BPIFA2: variants seen among roughly 807,000 people sequenced by gnomAD.
BPIFA2 encodes the protein BPI fold containing family A member 2.
Under a neutral mutation model 25.7 loss-of-function variants are expected in BPIFA2, and 20 were observed. The observed-to-expected ratio is 0.78, with a 90% CI of 0.55 to 1.13. The LOEUF (loss-of-function observed/expected upper bound fraction) is 1.13. BPIFA2 is among the 50% of genes most tolerant of loss of function. The pLI is 0.00. For missense variants in BPIFA2, 300 were observed against 298.1 expected, an observed-to-expected ratio of 1.01 and a Z score of -0.05; for synonymous variants, 126 against 124.3, an observed-to-expected ratio of 1.01 and a Z score of -0.09.
Position 33,180,592 on chromosome 20 carries a change from A to G in BPIFA2, c.*32A>G. The G allele has an allele frequency of 6.2e-7, 1 of 1,603,110 alleles. No individual in the cohort carries two copies. Among genetic ancestry groups the G allele is most frequent in the East Asian group, 2.2e-5 (1 of 44,812 alleles). On this transcript the variant is annotated 3_prime_UTR_variant, in exon 8 of 9. Transcript: ENST00000354932. Reference sequence around the variant, plus strand: ...CGAATGAGGAGGACCACTGTGGTGCATGCTGGTGAGGAGCCAGTCTCTGTG... The same window carrying G: ...CGAATGAGGAGGACCACTGTGGTGCGTGCTGGTGAGGAGCCAGTCTCTGTG...
chr20:33,177,053 T>C (rs1029907516), intron 5 of BPIFA2, among the ~76,000 whole-genome samples: 1 of 152,180 alleles, frequency 6.6e-6, no homozygotes, highest in Non-Finnish European at 1.5e-5. Context: ...TTTCATTCTT[T>C]CAGCCAAAAA....
intron 7 of BPIFA2, among the ~76,000 whole-genome samples, chr20:33,180,035 C>T (rs890104908): frequency 2.6e-5 from 4 of 151,782 alleles, no homozygotes; most frequent in African/African-American, 7.3e-5. Flanking sequence ...CTGGGTGACA[C>T]GGTGAAACCC....
chr20:33,167,260 G>A (rs900335044), upstream of BPIFA2, among the ~76,000 whole-genome samples: 1 of 152,204 alleles, frequency 6.6e-6, no homozygotes, highest in Non-Finnish European at 1.5e-5. Context: ...GTCCTTCCCA[G>A]CCTGAGGCCA....
At chr20:33,181,071 C>T (rs1210650156) in intron 8 of BPIFA2, among the ~76,000 whole-genome samples, 153 bp from the exon 9 acceptor site, 3 of 152,174 alleles carry the variant, frequency 2.0e-5, no homozygotes, top group African/African-American at 7.2e-5. Context: ...TTTCTTCTTC[C>T]CAGGACTTAA....
chr20:33,172,575 T>C (rs1181383921), intron 2 of BPIFA2, among the ~76,000 whole-genome samples: 1 of 152,146 alleles, frequency 6.6e-6, no homozygotes, highest in African/African-American at 2.4e-5. Context: ...CGTGAGCATC[T>C]CACTTAGCAC....
intron 5 of BPIFA2, among the ~76,000 whole-genome samples, chr20:33,177,549 C>T (rs772384091): frequency 2.0e-5 from 3 of 152,264 alleles, no homozygotes; most frequent in South Asian, 2.1e-4. Context: ...ATCCTCTCAG[C>T]GCTTTTCTTT....
At chr20:33,173,886 A>G (rs1983985067) in intron 3 of BPIFA2, among the ~76,000 whole-genome samples, 193 bp from the exon 4 acceptor site, 1 of 152,134 alleles carries the variant, frequency 6.6e-6, no homozygotes, top group African/African-American at 2.4e-5. Flanking sequence ...CTGGGGGAAA[A>G]TCACACCAGC....
chr20:33,165,487 C>A (rs1983696325), upstream of BPIFA2, among the ~76,000 whole-genome samples: 1 of 152,230 alleles, frequency 6.6e-6, no homozygotes, highest in South Asian at 2.1e-4. Context: ...GAGCACCCCC[C>A]AGCCTGGCTG....
chr20:33,170,970 C>A (rs1171839848), intron 2 of BPIFA2, among the ~76,000 whole-genome samples: 1 of 152,186 alleles, frequency 6.6e-6, no homozygotes, highest in African/African-American at 2.4e-5. Flanking sequence ...GTTTTCCCAG[C>A]ACCATTTATT....
chr20:33,173,964 C>A, intron 3 of BPIFA2, 115 bp from the exon 4 acceptor site: 1 of 781,322 alleles, frequency 1.3e-6, no homozygotes, highest in Non-Finnish European at 2.2e-6. Context: ...ATAGTGAAGA[C>A]TAAAGAAGGC....
intron 3 of BPIFA2, 48 bp downstream of exon 3, chr20:33,173,124 A>G: frequency 4.4e-6 from 7 of 1,588,110 alleles, no homozygotes; most frequent in Non-Finnish European, 6.0e-6. Context: ...GGAAAGGGAA[A>G]ACATATCTTT....
chr20:33,164,301 G>T (rs746875596), upstream of BPIFA2, among the ~76,000 whole-genome samples: 1 of 152,192 alleles, frequency 6.6e-6, no homozygotes, highest in Non-Finnish European at 1.5e-5. Flanking sequence ...AGATTGAGGG[G>T]CCAAATTCCA....
chr20:33,163,075 CAT>C (rs899935313), intron 1 of BPIFA2, among the ~76,000 whole-genome samples: 3 of 152,204 alleles, frequency 2.0e-5, no homozygotes, highest in Non-Finnish European at 4.4e-5. Flanking sequence ...AGGATGGACA[CAT>C]GTGGGGGTGC....
intron 4 of BPIFA2, among the ~76,000 whole-genome samples, chr20:33,174,773 T>C (rs1984017194): frequency 6.6e-6 from 1 of 152,112 alleles, no homozygotes; most frequent in Non-Finnish European, 1.5e-5. Flanking sequence ...TAACCAGGTG[T>C]GGCAGCACAC....
chr20:33,173,076 G>A lies in BPIFA2; in HGVS notation c.302G>A (p.Gly101Glu). 6.2e-7 allele frequency: 1 copy of A among 1,613,494 alleles called. No individual in the cohort carries two copies. Among genetic ancestry groups the A allele is most frequent in the Non-Finnish European group, 8.5e-7 (1 of 1,179,768 alleles). Reference protein sequence around the residue: ...KLLPTNTDIFGLKISNSLILD... With the variant: ...KLLPTNTDIFELKISNSLILD... The stretch of plus-strand genomic sequence containing the variant: ...CTTCCAACTAACACGGACATTTTTG[G>A]GTGAGTTGGTCCTTCAGGGTGGAGA... Residue 101 changes from glycine to glutamate, a missense_variant and splice_region_variant, in exon 3 of 9, where the codon GGG becomes GAG. Coordinates refer to ENST00000354932, the MANE Select transcript of BPIFA2 (RefSeq NM_080574.4).
At chr20:33,180,234 A>G (rs747137) in intron 7 of BPIFA2, among the ~76,000 whole-genome samples, 12,022 of 152,040 alleles carry the variant, frequency 0.079, 1,577 homozygotes, top group African/African-American at 0.27. Context: ...AAGAAAAAAA[A>G]AAAGAAGAAG....
chr20:33,170,368 A>T (rs1983858678), intron 2 of BPIFA2, among the ~76,000 whole-genome samples: 1 of 151,960 alleles, frequency 6.6e-6, no homozygotes, highest in African/African-American at 2.4e-5. Flanking sequence ...TTTTCTTCTC[A>T]TATATACTTA....
At chr20:33,174,355 T>C (rs1274461780) in intron 4 of BPIFA2, among the ~76,000 whole-genome samples, 169 bp downstream of exon 4, 1 of 152,204 alleles carries the variant, frequency 6.6e-6, no homozygotes, top group Non-Finnish European at 1.5e-5. Context: ...ACCCTTAAAA[T>C]GTTCTAGAGA....
chr20:33,165,491 C>T (rs1983696564), upstream of BPIFA2, among the ~76,000 whole-genome samples: 1 of 152,226 alleles, frequency 6.6e-6, no homozygotes, highest in African/African-American at 2.4e-5. Flanking sequence ...ACCCCCCAGC[C>T]TGGCTGGCCC....
Sources: allele counts gnomAD v4.1 joint callset (sites outside exome capture counted in the v4.1 genomes callset), GRCh38; gene constraint gnomAD v4.1.1; transcripts MANE v1.5; gene names NCBI Gene and HGNC (gene_info 2026-07-23, HGNC 2026-07-21).